Variants in RCC1 observed in about 807,000 individuals in gnomAD.
RCC1 encodes the protein regulator of chromosome condensation 1, also known as regulator of chromosome condensation.
Under a neutral mutation model 44.4 loss-of-function variants are expected in RCC1, and 11 were observed. The observed-to-expected ratio is 0.25, with a 90% CI of 0.16 to 0.41. The LOEUF (loss-of-function observed/expected upper bound fraction) is 0.41, where lower values mean the gene tolerates loss of function less well. RCC1 is among the 10% of genes least tolerant of loss of function. The pLI is 1.00. For missense variants in RCC1, 386 were observed against 547.1 expected, an observed-to-expected ratio of 0.71 and a Z score of 2.94; for synonymous variants, 213 against 216.5, an observed-to-expected ratio of 0.98 and a Z score of 0.14.
chr1:28,521,499 C>CAAAAAA (rs1419032083), intron 4 of RCC1, among the ~76,000 whole-genome samples: 2 of 117,424 alleles, frequency 1.7e-5, no homozygotes, highest in African/African-American at 6.8e-5. Flanking sequence ...GACTCCACCT[C>CAAAAAA]AGAAAAAAAA....
chr1:28,529,903 C>T lies in RCC1; in HGVS notation c.37C>T (p.Pro13Ser), dbSNP rs773059138. ...GCGCATAGCTAAAAGAAGGTCCCCC[C>T]CAGCAGATGCCATCCCCAAAAGCAA... ...PKRIAKRRSP[P>S]ADAIPKSKKV... Residue 13 changes from proline (P) to serine (S), a missense_variant, in exon 5 of 13, where the codon CCA becomes TCA. Physicochemically the swap from Pro to Ser is moderately conservative, Grantham distance 74 (BLOSUM62 -1). Transcript: ENST00000683442. 1 of 1,614,002 alleles carries T rather than the reference C, an allele frequency of 6.2e-7. No individual in the cohort carries two copies. Among genetic ancestry groups the T allele is most frequent in the African/African-American group, 1.3e-5 (1 of 75,010 alleles).
At chr1:28,533,866 T>C (rs1195199028) in intron 7 of RCC1, among the ~76,000 whole-genome samples, 1 of 20,098 alleles carries the variant, frequency 5.0e-5, no homozygotes, top group African/African-American at 3.8e-4. Context: ...TTTTTTTTTT[T>C]TTTTTTTTTT....
At chr1:28,528,438 GA>G (rs1663838689) in intron 4 of RCC1, among the ~76,000 whole-genome samples, 1 of 152,146 alleles carries the variant, frequency 6.6e-6, no homozygotes, top group Non-Finnish European at 1.5e-5. Context: ...CTGGGTGACA[GA>G]ACGAGACTCC....
At chr1:28,513,193 C>T (rs891638645) in intron 3 of RCC1, among the ~76,000 whole-genome samples, 2 of 151,966 alleles carry the variant, frequency 1.3e-5, no homozygotes, top group African/African-American at 2.4e-5. Flanking sequence ...CGCACCACCA[C>T]GCCCAGCTAA....
chr1:28,531,742 T>G (rs1367898698), intron 5 of RCC1, 61 bp from the exon 6 acceptor site: 10 of 1,407,552 alleles, frequency 7.1e-6, no homozygotes, highest in Non-Finnish European at 9.5e-6. Flanking sequence ...TCCCAGAGCC[T>G]GTGACCTCTC....
chr1:28,519,405 G>C lies in RCC1; in HGVS notation c.-10+2538G>C, dbSNP rs1191988292. On this transcript the variant is annotated intron_variant, in intron 4 of 12. Coordinates refer to ENST00000683442, the MANE Select transcript of RCC1 (RefSeq NM_001381865.2). Reference sequence around the variant, plus strand: ...AGTGAAACCTGGACAGATGAATTAGGAGTTCACGAGGCTCCTGTTTCAAAG... The same window carrying C: ...AGTGAAACCTGGACAGATGAATTAGCAGTTCACGAGGCTCCTGTTTCAAAG... 4.6e-5 allele frequency among the ~76,000 whole-genome samples: 7 copies of C among 152,110 alleles called. No individual in the cohort carries two copies. In the East Asian group the frequency reaches 1.2e-3, roughly 25 times the overall value.
chr1:28,520,050 C>T (rs1252147217), intron 4 of RCC1, among the ~76,000 whole-genome samples: 1 of 152,070 alleles, frequency 6.6e-6, no homozygotes, highest in East Asian at 1.9e-4. Flanking sequence ...TGTCCCTTCC[C>T]CCAGGAAAAA....
chr1:28,534,626 T>C (rs563829864), intron 7 of RCC1, among the ~76,000 whole-genome samples: 3 of 152,270 alleles, frequency 2.0e-5, no homozygotes, highest in Admixed American at 2.0e-4. Flanking sequence ...TACTAGAGGC[T>C]TGTGCCACCA....
intron 4 of RCC1, among the ~76,000 whole-genome samples, chr1:28,522,853 A>T (rs925774802): frequency 6.6e-6 from 1 of 151,140 alleles, no homozygotes; most frequent in Admixed American, 6.6e-5. Context: ...ATATACACAC[A>T]CACATATTTA....
chr1:28,533,505 A>AT (rs1432712600), intron 7 of RCC1, among the ~76,000 whole-genome samples: 5 of 150,796 alleles, frequency 3.3e-5, no homozygotes, highest in Non-Finnish European at 1.5e-5. Flanking sequence ...GCAGTAGCTC[A>AT]TGCTTGTAAT....
chr1:28,535,025 T>C (rs370292430), intron 7 of RCC1, 25 bp from the exon 8 acceptor site: 19 of 1,596,550 alleles, frequency 1.2e-5, no homozygotes, highest in Non-Finnish European at 1.5e-5. Flanking sequence ...GACTGGCTGA[T>C]AAGTGCCCTG....
chr1:28,506,478 C>T, intron 1 of RCC1: 1 of 319,002 alleles, frequency 3.1e-6, no homozygotes, highest in East Asian at 9.1e-5. Flanking sequence ...AGCCACCGCG[C>T]CTGGCCGGAA....
rs143582277 is a variant in RCC1 at position 28,537,074 on chromosome 1, G to A, written c.1090+175G>A. On this transcript the variant is annotated intron_variant, in intron 12 of 12. Coordinates refer to ENST00000683442, the MANE Select transcript of RCC1 (RefSeq NM_001381865.2). ...GCTCTGGCATTGATGAATATGAAAT[G>A]AGTACACAAATTATTTTAGTAAAGG... is the stretch of plus-strand genomic sequence containing the variant. 1.7e-3 allele frequency among the ~76,000 whole-genome samples: 257 copies of A among 152,206 alleles called. 1 individual carries two copies. The highest frequency in any genetic ancestry group is 2.8e-3 in the Non-Finnish European group (191 of 68,008).
chr1:28,531,236 A>G (rs1265739531), intron 5 of RCC1, among the ~76,000 whole-genome samples: 2 of 151,234 alleles, frequency 1.3e-5, no homozygotes, highest in Non-Finnish European at 2.9e-5. Flanking sequence ...CAAAATAACA[A>G]TAACAATAAT....
intron 3 of RCC1, among the ~76,000 whole-genome samples, chr1:28,511,174 C>G (rs1662510721): frequency 6.6e-6 from 1 of 152,128 alleles, no homozygotes; most frequent in South Asian, 2.1e-4. Context: ...CCACCACTTG[C>G]TGTTCATGAG....
In RCC1 at chr1:28,537,817, TTC is replaced by T. The variant is rs1664643528; in HGVS notation, c.1091-7_1091-6del. ...GGATCCTGGAGACAGCTGTACCCAT[TTC>T]TCTCTCTTGCAGGTCGTGTTTTCGC... On this transcript the variant is annotated splice_polypyrimidine_tract_variant and intron_variant, in intron 12 of 12. Transcript: ENST00000683442. 1.9e-6 allele frequency: 3 copies of T among 1,607,520 alleles called. No homozygotes were observed. Among genetic ancestry groups the T allele is most frequent in the Non-Finnish European group, 2.5e-6 (3 of 1,177,568 alleles).
chr1:28,509,013 G>A (rs769178461), intron 3 of RCC1, 108 bp downstream of exon 3: 3 of 415,048 alleles, frequency 7.2e-6, no homozygotes, highest in South Asian at 3.5e-5. Context: ...TTGCTCTGTC[G>A]CCCAGGCTGT....
chr1:28,508,250 G>C, intron 2 of RCC1, 90 bp downstream of exon 2: 1 of 386,084 alleles, frequency 2.6e-6, no homozygotes, highest in Non-Finnish European at 5.3e-6. Flanking sequence ...TTTTATTCTA[G>C]TTGGTCAGGA....
chr1:28,510,423 A>G (rs1662440017), intron 3 of RCC1: 1 of 152,180 alleles, frequency 6.6e-6, no homozygotes, highest in Admixed American at 6.5e-5. Flanking sequence ...CACAACATCT[A>G]GAGATCCTGG....
Sources: allele counts gnomAD v4.1 joint callset (sites outside exome capture counted in the v4.1 genomes callset), GRCh38; gene constraint gnomAD v4.1.1; transcripts MANE v1.5; gene names NCBI Gene and HGNC (gene_info 2026-07-23, HGNC 2026-07-21).